The following RECK variants were observed in gnomAD, a reference collection of about 807,000 sequenced individuals.
The protein encoded by RECK is reversion inducing cysteine rich protein with kazal motifs, also known as reversion-inducing cysteine-rich protein with Kazal motifs.
A neutral mutation model predicts 115.1 loss-of-function variants in RECK; 69 were observed. That is an observed-to-expected ratio of 0.60 (90% CI 0.49 to 0.73). The LOEUF (loss-of-function observed/expected upper bound fraction) is 0.73, where lower values mean the gene tolerates loss of function less well. Among genes scored for constraint, RECK ranks in the 30% least tolerant of loss-of-function variants. RECK has a pLI of 0.00. For missense variants in RECK, 1,047 were observed against 1,203.7 expected (o/e 0.87, Z 1.93); for synonymous variants, 414 against 419.7 (o/e 0.99, Z 0.17).
chr9:36,092,542 ATTTTTT>A lies in RECK; in HGVS notation c.1085+1215_1085+1220del, dbSNP rs71508011. The stretch of plus-strand genomic sequence containing the variant: ...AGGCGCCTGCCACCACACCCAGCTA[ATTTTTT>A]TTTTTTTTTTTTTTTGTATTTTTAG... On this transcript the variant is annotated intron_variant, in intron 10 of 20. Transcript: ENST00000377966. 6.3e-3 allele frequency among the ~76,000 whole-genome samples: 735 copies of A among 117,062 alleles called. 6 individuals are homozygous for A. Among genetic ancestry groups the A allele is most frequent in the African/African-American group, 0.021 (682 of 32,036 alleles). The allele number at this position is 117,062 out of a possible 152,430, so 76.8% of individuals were successfully genotyped here. A position where few individuals can be genotyped will look rare whatever the true frequency, so the allele number is the denominator to read the frequency against.
chr9:36,085,819 G>A (rs1467222116), intron 8 of RECK: 1 of 152,082 alleles, frequency 6.6e-6, no homozygotes, highest in African/African-American at 2.4e-5. Flanking sequence ...GAACTCTAAT[G>A]GCTTTTGACA....
chr9:36,121,567 T>C lies in RECK; in HGVS notation c.2573T>C (p.Ile858Thr), dbSNP rs754273707. The change falls in exon 20 of 21, where the codon ATA (isoleucine) becomes ACA (threonine). Residue 858 changes from isoleucine (I) to threonine (T), a missense_variant. By Grantham distance (89) the Ile-to-Thr change is moderately conservative. Transcript: ENST00000377966. ...TNKKPITVLE[I>T]LQKIRMHVSV... ...AAAAAGCCAATAACAGTTCTGGAAA[T>C]ACTTCAGAAAATCCGCATGCACGTG... 2.5e-6 allele frequency: 4 copies of C among 1,614,046 alleles called. No individual in the cohort carries two copies. Among genetic ancestry groups the C allele is most frequent in the East Asian group, 2.2e-5 (1 of 44,886 alleles).
chr9:36,112,203 G>A (rs116892193), intron 15 of RECK, 102 bp from the exon 16 acceptor site: 203 of 952,328 alleles, frequency 2.1e-4, no homozygotes, highest in Middle Eastern at 3.6e-4. Context: ...CTATTTTAAC[G>A]TGAGACCTTC....
At chr9:36,040,424 T>C (rs1283535219) in intron 1 of RECK, among the ~76,000 whole-genome samples, 1 of 152,060 alleles carries the variant, frequency 6.6e-6, no homozygotes, top group East Asian at 1.9e-4. Flanking sequence ...GCAGAAGCCT[T>C]AAGGCATAAG....
At chr9:36,080,223 A>G (rs1822632044) in intron 6 of RECK, among the ~76,000 whole-genome samples, 1 of 152,230 alleles carries the variant, frequency 6.6e-6, no homozygotes, top group Non-Finnish European at 1.5e-5. Flanking sequence ...CAAATCTAAA[A>G]TGCAGTGGTT....
intron 17 of RECK, among the ~76,000 whole-genome samples, chr9:36,118,167 T>C (rs948922268): frequency 1.6e-4 from 25 of 152,166 alleles, no homozygotes; most frequent in Non-Finnish European, 2.9e-4. Context: ...TCATGATGTC[T>C]CCCTGAAACA....
intron 1 of RECK, among the ~76,000 whole-genome samples, chr9:36,050,714 A>T (rs1362884635): frequency 6.6e-6 from 1 of 151,900 alleles, no homozygotes; most frequent in African/African-American, 2.4e-5. Context: ...CTCTGATCGC[A>T]TTATGTCCTA....
intron 4 of RECK, among the ~76,000 whole-genome samples, chr9:36,061,468 G>A (rs1472567168): frequency 6.9e-6 from 1 of 145,254 alleles, no homozygotes; most frequent in Non-Finnish European, 1.5e-5. Context: ...CTCCCAAATA[G>A]GATAAATCAT....
chr9:36,063,561 A>G (rs1821868310), intron 4 of RECK, among the ~76,000 whole-genome samples: 1 of 152,104 alleles, frequency 6.6e-6, no homozygotes, highest in Admixed American at 6.5e-5. Context: ...GGTGGGAGGG[A>G]AAAGAGAAAA....
rs780784400 is a variant in RECK at position 36,105,255 on chromosome 9, T to C, written c.1548T>C (p.Asp516=). 1 of 1,614,114 alleles carries C rather than the reference T, an allele frequency of 6.2e-7. No individual in the cohort carries two copies. Among genetic ancestry groups the C allele is most frequent in the South Asian group, 1.1e-5 (1 of 91,084 alleles). ...ACCGAAAAGGATGTCCATCTGGAGATCCCTGTCTTCCATACTTTTGTGTTC... is the reference window on the plus strand; with the variant it reads ...ACCGAAAAGGATGTCCATCTGGAGACCCCTGTCTTCCATACTTTTGTGTTC... ...EVNRKGCPSG[D]PCLPYFCVQG... is the part of the protein sequence containing the mutation. The change falls in exon 13 of 21, where the codon GAT becomes GAC. Residue 516 remains aspartate (D), a synonymous_variant. Coordinates refer to ENST00000377966, the MANE Select transcript of RECK (RefSeq NM_021111.3).
chr9:36,069,586 T>C (rs996141814), intron 6 of RECK, among the ~76,000 whole-genome samples: 22 of 151,158 alleles, frequency 1.5e-4, no homozygotes, highest in African/African-American at 5.4e-4. Context: ...GGTGTTATAA[T>C]AGTTTAGGTA....
chr9:36,075,518 T>G (rs969721367), intron 6 of RECK, among the ~76,000 whole-genome samples: 3 of 152,254 alleles, frequency 2.0e-5, no homozygotes, highest in Non-Finnish European at 2.9e-5. Context: ...AGTCATGACA[T>G]TAAACTCCTT....
At chr9:36,050,576 G>T (rs969407602) in intron 1 of RECK, among the ~76,000 whole-genome samples, 6 of 152,118 alleles carry the variant, frequency 3.9e-5, no homozygotes, top group Non-Finnish European at 8.8e-5. Context: ...AACCAGAGTG[G>T]TCTTTTTAAA....
chr9:36,116,734 C>G (rs1824282297), intron 16 of RECK, among the ~76,000 whole-genome samples: 1 of 152,208 alleles, frequency 6.6e-6, no homozygotes, highest in Non-Finnish European at 1.5e-5. Flanking sequence ...CTGCCTCCTC[C>G]CCATGCTTTC....
At position 36,123,028 on chromosome 9, in the gene RECK, CT is replaced by C; in HGVS notation, c.2900del (p.Leu967ProfsTer32). On this transcript the variant is annotated frameshift_variant, in exon 21 of 21. Coordinates refer to ENST00000377966, the MANE Select transcript of RECK (RefSeq NM_021111.3). LOFTEE classifies it high-confidence loss of function. Reference sequence around the variant, plus strand: ...CAGCTTGGGCCTTGCCTTGCACTTGCTCTGGACATATAACTGACTGCCCACG... The same window carrying C: ...CAGCTTGGGCCTTGCCTTGCACTTGCCTGGACATATAACTGACTGCCCACG... ...PLSLGLALHL[L>X]WTYN 1 of 1,613,874 alleles carries C rather than the reference CT, an allele frequency of 6.2e-7. No homozygotes were observed. The highest frequency in any genetic ancestry group is 1.1e-5 in the South Asian group (1 of 91,056).
At chr9:36,054,275 T>C (rs1000219911) in intron 2 of RECK, among the ~76,000 whole-genome samples, 1 of 152,122 alleles carries the variant, frequency 6.6e-6, no homozygotes, top group Non-Finnish European at 1.5e-5. Flanking sequence ...GGAAAAGATA[T>C]GGTTTGAGGA....
chr9:36,066,095 A>G (rs1430527206), intron 6 of RECK, among the ~76,000 whole-genome samples: 1 of 152,144 alleles, frequency 6.6e-6, no homozygotes, highest in East Asian at 1.9e-4. Context: ...GGGAAAAAAT[A>G]CTAAGTTACA....
intron 10 of RECK, among the ~76,000 whole-genome samples, chr9:36,097,195 G>A (rs1013818660): frequency 1.3e-5 from 2 of 151,824 alleles, no homozygotes; most frequent in Non-Finnish European, 2.9e-5. Context: ...GGGCGTGGTG[G>A]CAGGCACCTG....
intron 18 of RECK, 118 bp from the exon 19 acceptor site, chr9:36,120,544 CT>C (rs1173764137): frequency 3.9e-6 from 3 of 759,506 alleles, no homozygotes; most frequent in Non-Finnish European, 6.6e-6. Context: ...AAGGTACAGT[CT>C]TTGGGAAGGA....
Sources: gnomAD v4.1 joint callset for allele counts (sites outside exome capture counted in the v4.1 genomes callset) on GRCh38, gnomAD v4.1.1 for gene constraint, MANE v1.5 for transcripts, NCBI Gene and HGNC (gene_info 2026-07-23, HGNC 2026-07-21) for gene names.